Variants in IPCEF1 observed in about 807,000 individuals in gnomAD.
IPCEF1 encodes interactor protein for cytohesin exchange factors 1.
Under a neutral mutation model 50.9 loss-of-function variants are expected in IPCEF1, and 31 were observed. The observed-to-expected ratio is 0.61, with a 90% CI of 0.46 to 0.82. The LOEUF (loss-of-function observed/expected upper bound fraction) is 0.82, where lower values mean the gene tolerates loss of function less well. IPCEF1 is among the 40% of genes least tolerant of loss of function. The probability of loss-of-function intolerance (pLI) is 0.00; values close to 1 mark genes in which losing one functional copy is unlikely to be tolerated. For missense variants in IPCEF1, 458 were observed against 514.0 expected (o/e 0.89, Z 1.05); for synonymous variants, 181 against 192.0 (o/e 0.94, Z 0.47).
At chr6:154,169,231 C>T (rs1337889776) in intron 10 of IPCEF1, among the ~76,000 whole-genome samples, 3 of 152,050 alleles carry the variant, frequency 2.0e-5, no homozygotes, top group Non-Finnish European at 4.4e-5. Flanking sequence ...TGTGGTGGTG[C>T]GTGCCTGTCA....
intron 1 of IPCEF1, among the ~76,000 whole-genome samples, chr6:154,309,802 C>T (rs1236761456): frequency 5.3e-5 from 8 of 150,022 alleles, no homozygotes; most frequent in Admixed American, 6.7e-5. Flanking sequence ...CTTGCTCTGT[C>T]ACCCAGGCTG....
At position 154,260,740 on chromosome 6, in the gene IPCEF1, G is replaced by C. The variant is rs376219969; in HGVS notation, c.36+5172C>G. ...CCTGTCTCGGCCTCCCAAAGTGCTG[G>C]GATTACAGGCATGAGCCACCATGCC... On this transcript the variant is annotated intron_variant, in intron 3 of 11. Transcript: ENST00000367220. Among the ~76,000 whole-genome samples the C allele has an allele frequency of 6.6e-5, 10 of 152,004 alleles. No individual in the cohort carries two copies. In the South Asian group the frequency reaches 1.9e-3, roughly 28 times the overall value.
At chr6:154,214,389 A>G (rs1387478404) in intron 7 of IPCEF1, 113 bp from the exon 8 acceptor site, 2 of 795,402 alleles carry the variant, frequency 2.5e-6, no homozygotes, top group Non-Finnish European at 2.3e-6. Context: ...CAGTCTGCAC[A>G]TTTCCAGAAA....
At chr6:154,234,211 A>G (rs1228036563) in intron 5 of IPCEF1, among the ~76,000 whole-genome samples, 1 of 152,138 alleles carries the variant, frequency 6.6e-6, no homozygotes, top group Non-Finnish European at 1.5e-5. Context: ...AGAAAAATAC[A>G]TAAATAAACA....
At chr6:154,173,110 G>C (rs1800011139) in intron 10 of IPCEF1, among the ~76,000 whole-genome samples, 2 of 152,176 alleles carry the variant, frequency 1.3e-5, no homozygotes, top group Admixed American at 6.5e-5. Context: ...CAAACAGAAA[G>C]AAATAGCATC....
chr6:154,282,550 G>A (rs1001151335), intron 2 of IPCEF1, among the ~76,000 whole-genome samples: 4 of 152,096 alleles, frequency 2.6e-5, no homozygotes, highest in East Asian at 1.9e-4. Flanking sequence ...AGGCGGGCAC[G>A]GTGGCGGGCA....
Position 154,307,317 on chromosome 6 carries a change from T to A in IPCEF1, c.-61-17561A>T, listed in dbSNP as rs554470674. Among the ~76,000 whole-genome samples, 39 of 152,300 alleles carry A rather than the reference T, an allele frequency of 2.6e-4. No homozygotes were observed. The South Asian group carries it at 7.7e-3, about 30-fold the overall frequency. ...ATAGTTTTTAAAATGGGGGTTTCTC[T>A]GCACAAGCTCTCTCTTTGCCTGCCG... On this transcript the variant is annotated intron_variant, in intron 1 of 11. Coordinates refer to ENST00000367220, the MANE Select transcript of IPCEF1 (RefSeq NM_001130700.2).
intron 10 of IPCEF1, among the ~76,000 whole-genome samples, chr6:154,194,992 T>C (rs1337391994): frequency 6.6e-6 from 1 of 152,084 alleles, no homozygotes; most frequent in Non-Finnish European, 1.5e-5. Context: ...GTCTTCACCC[T>C]GATAGGCATG....
chr6:154,352,894 T>C (rs1200824914), intron 1 of IPCEF1, among the ~76,000 whole-genome samples: 1 of 149,990 alleles, frequency 6.7e-6, no homozygotes, highest in Non-Finnish European at 1.5e-5. Context: ...TTAACAATTA[T>C]ATTGGGAGAT....
intron 9 of IPCEF1, among the ~76,000 whole-genome samples, chr6:154,204,920 C>T (rs932760997): frequency 2.6e-5 from 4 of 152,200 alleles, no homozygotes; most frequent in Non-Finnish European, 5.9e-5. Flanking sequence ...CCCTCCTTCT[C>T]CACTCCTTTC....
At chr6:154,187,286 C>T (rs1046614642) in intron 10 of IPCEF1, among the ~76,000 whole-genome samples, 5 of 152,148 alleles carry the variant, frequency 3.3e-5, no homozygotes, top group African/African-American at 1.2e-4. Context: ...CCTTGCCCTG[C>T]CTCTTGTAAA....
intron 10 of IPCEF1, among the ~76,000 whole-genome samples, chr6:154,175,718 T>C (rs1583708330): frequency 6.6e-6 from 1 of 152,174 alleles, no homozygotes; most frequent in Admixed American, 6.5e-5. Flanking sequence ...ACCAGATGGA[T>C]TCGCAGCCGA....
chr6:154,163,488 A>T (rs1444862610), intron 11 of IPCEF1, among the ~76,000 whole-genome samples: 2 of 152,138 alleles, frequency 1.3e-5, no homozygotes, highest in Non-Finnish European at 1.5e-5. Context: ...TATCAAATCT[A>T]TCATCACTTA....
At chr6:154,188,823 G>GCAA (rs1801610165) in intron 10 of IPCEF1, among the ~76,000 whole-genome samples, 1 of 152,150 alleles carries the variant, frequency 6.6e-6, no homozygotes. Flanking sequence ...GGAGTAAGAT[G>GCAA]ATATTGTATC....
intron 10 of IPCEF1, among the ~76,000 whole-genome samples, chr6:154,192,142 T>A (rs1408047266): frequency 6.6e-6 from 1 of 152,256 alleles, no homozygotes; most frequent in Non-Finnish European, 1.5e-5. Context: ...GTGGAACTGC[T>A]GGCCATGATG....
At chr6:154,302,978 T>A (rs1782835237) in intron 1 of IPCEF1, among the ~76,000 whole-genome samples, 1 of 152,086 alleles carries the variant, frequency 6.6e-6, no homozygotes, top group South Asian at 2.1e-4. Flanking sequence ...TGGATCACCA[T>A]CACTACTTAT....
chr6:154,209,643 CA>C (rs34423257), intron 9 of IPCEF1, among the ~76,000 whole-genome samples: 53,197 of 107,878 alleles, frequency 0.49, 9,580 homozygotes, highest in Middle Eastern at 0.58. Flanking sequence ...GACTGTGTCT[CA>C]AAAAAAAAAA....
At chr6:154,173,602 T>C (rs1352285422) in intron 10 of IPCEF1, among the ~76,000 whole-genome samples, 2 of 151,912 alleles carry the variant, frequency 1.3e-5, no homozygotes, top group African/African-American at 4.8e-5. Context: ...TGAAATAAAG[T>C]GAGAAGACAA....
intron 1 of IPCEF1, among the ~76,000 whole-genome samples, chr6:154,317,548 C>CAAAAAAAAAAAAAAAAAAAA (rs71021041): frequency 2.5e-4 from 4 of 16,314 alleles, no homozygotes; most frequent in African/African-American, 3.0e-4. Context: ...GACTCCATCT[C>CAAAAAAAAAAAAAAAAAAAA]AAAAAAAAAA....
Sources: allele counts gnomAD v4.1 joint callset (sites outside exome capture counted in the v4.1 genomes callset), GRCh38; gene constraint gnomAD v4.1.1; transcripts MANE v1.5; gene names NCBI Gene and HGNC (gene_info 2026-07-23, HGNC 2026-07-21).